SDK2: variants seen among roughly 807,000 people sequenced by gnomAD.
SDK2 encodes sidekick cell adhesion molecule 2.
SDK2 carries 105 observed loss-of-function variants against 253.9 expected under a neutral mutation model. The ratio of observed to expected loss-of-function variants is 0.41; its 90% CI spans 0.35 to 0.49. The LOEUF (loss-of-function observed/expected upper bound fraction) is 0.49, where lower values mean the gene tolerates loss of function less well. SDK2 is among the 20% of genes least tolerant of loss of function. The probability of loss-of-function intolerance (pLI) is 0.06; values close to 1 mark genes in which losing one functional copy is unlikely to be tolerated. For synonymous variants in SDK2, 1,249 were observed against 1,234.9 expected, an observed-to-expected ratio of 1.01 and a Z score of -0.24; for missense variants, 2,608 against 3,003.0, an observed-to-expected ratio of 0.87 and a Z score of 3.07.
intron 1 of SDK2, among the ~76,000 whole-genome samples, chr17:73,590,703 C>T (rs1035782032): frequency 6.6e-6 from 1 of 152,218 alleles, no homozygotes. Flanking sequence ...CCATCCAGAA[C>T]ATGGGCTGTG....
In SDK2 at chr17:73,422,379, T is replaced by C. The variant is rs1422798454; in HGVS notation, c.1953A>G (p.Thr651=). Residue 651 remains threonine (T), a synonymous_variant, in exon 15 of 45, where the codon ACA becomes ACG. Coordinates refer to ENST00000392650, the MANE Select transcript of SDK2 (RefSeq NM_001144952.2). Reference sequence around the variant, plus strand: ...AGCGTGCAGGAACCAGGCCCTTGACTGTCACTGAGGTAGCTTTGGGGTCCA... The same window carrying C: ...AGCGTGCAGGAACCAGGCCCTTGACCGTCACTGAGGTAGCTTTGGGGTCCA... ...ASVDPKATSV[T]VKGLVPARSY... The C allele has an allele frequency of 6.2e-7, 1 of 1,613,956 alleles. No homozygotes were observed. The highest frequency in any genetic ancestry group is 1.3e-5 in the African/African-American group (1 of 75,038).
At chr17:73,510,572 T>G (rs987253228) in intron 1 of SDK2, among the ~76,000 whole-genome samples, 1 of 152,130 alleles carries the variant, frequency 6.6e-6, no homozygotes, top group African/African-American at 2.4e-5. Flanking sequence ...TAATGTTGGC[T>G]CACCGCAGCC....
chr17:73,592,301 G>A (rs554399178), intron 1 of SDK2, among the ~76,000 whole-genome samples: 12 of 152,354 alleles, frequency 7.9e-5, no homozygotes, highest in East Asian at 1.9e-4. Context: ...GGCTGGCTCC[G>A]TGTGGCTGCA....
At chr17:73,419,862 A>G (rs1033876736) in intron 15 of SDK2, among the ~76,000 whole-genome samples, 5 of 151,710 alleles carry the variant, frequency 3.3e-5, no homozygotes, top group Admixed American at 3.3e-4. Flanking sequence ...ACAGCCTGGG[A>G]AACAGAGACC....
intron 40 of SDK2, among the ~76,000 whole-genome samples, chr17:73,354,393 G>C (rs1413658534): frequency 1.3e-5 from 2 of 152,178 alleles, no homozygotes; most frequent in Admixed American, 1.3e-4. Context: ...TGCTGCCTGG[G>C]TCAGGGACGA....
In SDK2 at chr17:73,404,976, C is replaced by T. The variant is rs189146177; in HGVS notation, c.2485-2835G>A. 3.3e-3 allele frequency among the ~76,000 whole-genome samples: 501 copies of T among 151,782 alleles called. 5 individuals are homozygous for T. The highest frequency in any genetic ancestry group is 0.011 in the African/African-American group (472 of 41,428). ...GCTCTGTCACTTACTGTGGGACTCACGGAAAGTCACTTGACCACTCTGAGC... is the reference window on the plus strand; with the variant it reads ...GCTCTGTCACTTACTGTGGGACTCATGGAAAGTCACTTGACCACTCTGAGC... On this transcript the variant is annotated intron_variant, in intron 18 of 44. Coordinates refer to ENST00000392650, the MANE Select transcript of SDK2 (RefSeq NM_001144952.2).
intron 2 of SDK2, among the ~76,000 whole-genome samples, chr17:73,492,047 T>C (rs1002533710): frequency 6.6e-6 from 1 of 152,128 alleles, no homozygotes; most frequent in African/African-American, 2.4e-5. Flanking sequence ...TTGTAGCTTC[T>C]ACATTCACCC....
intron 1 of SDK2, among the ~76,000 whole-genome samples, chr17:73,636,716 A>AGAAAT: frequency 6.6e-6 from 1 of 150,976 alleles, no homozygotes; most frequent in African/African-American, 2.4e-5. Flanking sequence ...AGAAAAGAAA[A>AGAAAT]GAAAAGAAAA....
intron 2 of SDK2, among the ~76,000 whole-genome samples, chr17:73,483,661 GTATATATATATATATA>G (rs61050632): frequency 0.029 from 1,999 of 70,134 alleles, 181 homozygotes; most frequent in African/African-American, 0.064. Flanking sequence ...GTGTGTGTGT[GTATATATATATATATA>G]TATATTTATA....
chr17:73,412,010 G>GTATA (rs528560397), intron 18 of SDK2, among the ~76,000 whole-genome samples: 1 of 75,190 alleles, frequency 1.3e-5, no homozygotes, highest in Admixed American at 1.5e-4. Flanking sequence ...ACATATATAT[G>GTATA]TAGATATACG....
In SDK2 at chr17:73,643,957, T is replaced by TCCCCCCCCCCCACC; in HGVS notation, c.64+67_64+68insGGTGGGGGGGGGGG. On this transcript the variant is annotated intron_variant, in intron 1 of 44. Transcript: ENST00000392650. This position sits in a 1 kb window ranked among gnomAD's most constrained non-coding sequence, Gnocchi z 6.9. ...GGAGGTCACCGTGAGGCCGGCCAGC[T>TCCCCCCCCCCCACC]CCCGCCGCCCCTCCCCCGCCCACTC... is the stretch of plus-strand genomic sequence containing the variant. 9.8e-7 allele frequency: 1 copy of TCCCCCCCCCCCACC among 1,020,000 alleles called. No individual in the cohort carries two copies. 63.2% of individuals were successfully genotyped at this position (1,020,000 alleles called of 1,614,324 possible).
In SDK2 at chr17:73,625,544, C is replaced by G. The variant is rs527627384; in HGVS notation, c.64+18481G>C. Among the ~76,000 whole-genome samples, 1,050 of 152,338 alleles carry G rather than the reference C, an allele frequency of 6.9e-3. 10 individuals carry two copies. Among genetic ancestry groups the G allele is most frequent in the African/African-American group, 0.025 (1,023 of 41,576 alleles). ...TTGCGACCTGGGCAGTCACCCTGGGCCCCACGCCTAGAAGGGCACCACCCT... is the reference window on the plus strand; with the variant it reads ...TTGCGACCTGGGCAGTCACCCTGGGGCCCACGCCTAGAAGGGCACCACCCT... On this transcript the variant is annotated intron_variant, in intron 1 of 44. Transcript: ENST00000392650.
rs2063039536 is a variant in SDK2, at chr17:73,402,818, GAC to G, written c.2485-679_2485-678del. Among the ~76,000 whole-genome samples, 4 of 151,914 alleles carry G rather than the reference GAC, an allele frequency of 2.6e-5. No homozygotes were observed. The South Asian group carries it at 8.3e-4, about 32-fold the overall frequency. Reference sequence around the variant, plus strand: ...TTATTTATTTATTTTTATTTTTTGAGACAGAGTCTTACTTTGTCGCCCAGGCT... The same window carrying G: ...TTATTTATTTATTTTTATTTTTTGAGAGAGTCTTACTTTGTCGCCCAGGCT... On this transcript the variant is annotated intron_variant, in intron 18 of 44. Coordinates refer to ENST00000392650, the MANE Select transcript of SDK2 (RefSeq NM_001144952.2).
At chr17:73,536,504 C>T (rs1041653880) in intron 1 of SDK2, among the ~76,000 whole-genome samples, 25 of 152,352 alleles carry the variant, frequency 1.6e-4, no homozygotes, top group East Asian at 1.9e-4. Flanking sequence ...CTGGGCACCT[C>T]CCACCTCTCT....
chr17:73,345,039 C>T (rs1363561704), intron 44 of SDK2, among the ~76,000 whole-genome samples: 1 of 152,210 alleles, frequency 6.6e-6, no homozygotes, highest in East Asian at 1.9e-4. Context: ...AAAGACTTGG[C>T]CGGGTGCGGT....
At chr17:73,344,471 T>C (rs1269356735) in intron 44 of SDK2, among the ~76,000 whole-genome samples, 1 of 152,202 alleles carries the variant, frequency 6.6e-6, no homozygotes, top group Non-Finnish European at 1.5e-5. Flanking sequence ...AAGCTGGCTC[T>C]AGATTTGAAT....
At chr17:73,514,298 A>G (rs1480892246) in intron 1 of SDK2, among the ~76,000 whole-genome samples, 1 of 152,066 alleles carries the variant, frequency 6.6e-6, no homozygotes, top group African/African-American at 2.4e-5. Flanking sequence ...ATTTCCCATA[A>G]CAGGTCAGGG....
At position 73,435,739 on chromosome 17, in the gene SDK2, G is replaced by A; in HGVS notation, c.1001-95C>T. 1 of 1,156,240 alleles carries A rather than the reference G, an allele frequency of 8.6e-7. No individual in the cohort carries two copies. The highest frequency in any genetic ancestry group is 1.2e-6 in the Non-Finnish European group (1 of 834,398). The allele number at this position is 1,156,240 out of a possible 1,614,324, so 71.6% of individuals were successfully genotyped here. ...GAGGAGGCCGGGCCCGGAAATCTGC[G>A]AGGGGGTCCCTGGTGAATCTTGGTG... On this transcript the variant is annotated intron_variant, in intron 8 of 44. Transcript: ENST00000392650. This position sits in a 1 kb window ranked among gnomAD's most constrained non-coding sequence, Gnocchi z 5.7.
At chr17:73,488,518 T>C (rs2145724988) in intron 2 of SDK2, among the ~76,000 whole-genome samples, 1 of 152,174 alleles carries the variant, frequency 6.6e-6, no homozygotes, top group South Asian at 2.1e-4. Flanking sequence ...GATGCACAGT[T>C]GTGCACAAAA....
Sources: gnomAD v4.1 joint callset for allele counts (sites outside exome capture counted in the v4.1 genomes callset) on GRCh38, gnomAD v4.1.1 for gene constraint, Gnocchi (gnomAD v3.1) non-coding constraint, MANE v1.5 for transcripts, NCBI Gene and HGNC (gene_info 2026-07-23, HGNC 2026-07-21) for gene names.